ATP6V0A2: variants seen among roughly 807,000 people sequenced by gnomAD.
ATP6V0A2 encodes the protein V-type proton ATPase 116 kDa subunit a 2.
A neutral mutation model predicts 104.4 loss-of-function variants in ATP6V0A2; 58 were observed. The observed-to-expected ratio is 0.56, with a 90% confidence interval of 0.45 to 0.69. The LOEUF is 0.69. ATP6V0A2 is among the 30% of genes least tolerant of loss of function. The probability of loss-of-function intolerance (pLI) is 0.00; values close to 1 mark genes in which losing one functional copy is unlikely to be tolerated. For missense variants in ATP6V0A2, 938 were observed against 1,062.9 expected, an observed-to-expected ratio of 0.88 and a Z score of 1.63; for synonymous variants, 376 against 397.9, an observed-to-expected ratio of 0.95 and a Z score of 0.65.
chr12:123,737,198 A>G lies in ATP6V0A2; in HGVS notation c.965A>G (p.Lys322Arg), dbSNP rs769951097. ...ATGTGCAGCTTTGACGTGACCAACA[A>G]GTGCCTCATTGCTGAGGTCTGGTGT... is the stretch of plus-strand genomic sequence containing the variant. ...LNMCSFDVTNKCLIAEVWCPE... is the reference protein window; with the variant it reads ...LNMCSFDVTNRCLIAEVWCPE... The change falls in exon 9 of 20, where the codon AAG becomes AGG. Residue 322 changes from lysine (K) to arginine (R), a missense_variant. Coordinates refer to ENST00000330342, the MANE Select transcript of ATP6V0A2 (RefSeq NM_012463.4). 2.2e-5 allele frequency: 36 copies of G among 1,614,058 alleles called. No individual in the cohort carries two copies. The South Asian group carries it at 3.6e-4, about 16-fold the overall frequency.
chr12:123,724,773 T>G lies in ATP6V0A2; in HGVS notation c.414T>G (p.Phe138Leu). ...ACATGCTGAGAGTGACAAAGACCTT[T>G]GTGAAACGCAATGTTGAGGTACTGA... ...YTHMLRVTKT[F>L]VKRNVEFEPT... is the part of the protein sequence containing the mutation. The change falls in exon 4 of 20, where the codon TTT becomes TTG. Residue 138 changes from phenylalanine to leucine, a missense_variant. Physicochemically the swap from Phe to Leu is conservative, Grantham distance 22. Coordinates refer to ENST00000330342, the MANE Select transcript of ATP6V0A2 (RefSeq NM_012463.4). 1 of 1,613,758 alleles carries G rather than the reference T, an allele frequency of 6.2e-7. No individual in the cohort carries two copies. The highest frequency in any genetic ancestry group is 8.5e-7 in the Non-Finnish European group (1 of 1,179,764).
At chr12:123,742,091 C>A (rs1202277517) in intron 9 of ATP6V0A2, among the ~76,000 whole-genome samples, 1 of 152,230 alleles carries the variant, frequency 6.6e-6, no homozygotes, top group African/African-American at 2.4e-5. Context: ...GAGGACCTGG[C>A]AGGTCAGTGC....
chr12:123,752,354 G>A lies in ATP6V0A2; in HGVS notation c.2127G>A (p.Glu709=). The change falls in exon 17 of 20, where the codon GAG becomes GAA. Residue 709 remains glutamate, a synonymous_variant. Transcript: ENST00000330342. ...VSLLGSQDIE[E]GNHQVEDGCR... ...TGCTGGGAAGCCAAGATATAGAAGA[G>A]GGAAATCACCAGGTGGAAGATGGAT... 1 of 1,614,124 alleles carries A rather than the reference G, an allele frequency of 6.2e-7. No individual in the cohort carries two copies. The highest frequency in any genetic ancestry group is 1.1e-5 in the South Asian group (1 of 91,084).
rs1956724621 is a variant in ATP6V0A2 at position 123,752,381 on chromosome 12, T to C, written c.2154T>C (p.Cys718=). 1 of 1,614,032 alleles carries C rather than the reference T, an allele frequency of 6.2e-7. No individual in the cohort carries two copies. Among genetic ancestry groups the C allele is most frequent in the African/African-American group, 1.3e-5 (1 of 74,938 alleles). The change falls in exon 17 of 20, where the codon TGT becomes TGC. Residue 718 remains cysteine (C), a synonymous_variant. Transcript: ENST00000330342. ...EEGNHQVEDG[C]REMACEEFNF... ...GAAATCACCAGGTGGAAGATGGATG[T>C]AGAGAAATGGCGTGTGAAGAGGTAA... is the stretch of plus-strand genomic sequence containing the variant.
intron 9 of ATP6V0A2, among the ~76,000 whole-genome samples, chr12:123,739,540 T>G (rs1340465622): frequency 6.6e-6 from 1 of 152,154 alleles, no homozygotes; most frequent in Non-Finnish European, 1.5e-5. Context: ...GCAGAACTCC[T>G]AACAGGCTGT....
intron 9 of ATP6V0A2, among the ~76,000 whole-genome samples, chr12:123,741,607 A>G (rs60822223): frequency 0.011 from 1,645 of 151,994 alleles, 31 homozygotes; most frequent in African/African-American, 0.037. Context: ...TGCCTGGCTA[A>G]TTTATTTATT....
chr12:123,739,670 C>T (rs934392180), intron 9 of ATP6V0A2, among the ~76,000 whole-genome samples: 5 of 152,192 alleles, frequency 3.3e-5, no homozygotes, highest in African/African-American at 1.2e-4. Context: ...AGAGAAGCCT[C>T]AGAGAGGCTT....
At chr12:123,718,862 T>A (rs1956369709) in intron 2 of ATP6V0A2, among the ~76,000 whole-genome samples, 161 bp downstream of exon 2, 1 of 150,436 alleles carries the variant, frequency 6.6e-6, no homozygotes, top group East Asian at 1.9e-4. Context: ...GTATTATTTT[T>A]CTGTATTTTT....
intron 9 of ATP6V0A2, 36 bp from the exon 10 acceptor site, chr12:123,743,749 A>C: frequency 6.2e-7 from 1 of 1,611,594 alleles, no homozygotes; most frequent in South Asian, 1.1e-5. Context: ...TTCTTCTTGG[A>C]TAGTAATTTT....
intron 6 of ATP6V0A2, among the ~76,000 whole-genome samples, chr12:123,728,936 G>A (rs1444008539): frequency 6.6e-6 from 1 of 152,030 alleles, no homozygotes; most frequent in Non-Finnish European, 1.5e-5. Flanking sequence ...TTCCATTACT[G>A]GTCGTGGTCC....
rs201697018 is a variant in ATP6V0A2, at chr12:123,744,566, C to T, written c.1327-31C>T. ...CTGTCACATGGACACCCTCCAGTAA[C>T]CATATTCTGCCCCCGCCTTGCCCTT... On this transcript the variant is annotated intron_variant, in intron 11 of 19. Transcript: ENST00000330342. This position sits in a 1 kb window ranked among gnomAD's most constrained non-coding sequence, Gnocchi z 5.4. The T allele has an allele frequency of 6.2e-7, 1 of 1,612,106 alleles. No individual in the cohort carries two copies. The highest frequency in any genetic ancestry group is 1.7e-5 in the Admixed American group (1 of 60,010).
intron 9 of ATP6V0A2, among the ~76,000 whole-genome samples, chr12:123,742,324 C>T (rs1252555790): frequency 6.6e-6 from 1 of 152,220 alleles, no homozygotes; most frequent in African/African-American, 2.4e-5. Context: ...GCATCCTCTG[C>T]TCTGGAGGCT....
At chr12:123,721,846 T>C (rs1157484146) in intron 2 of ATP6V0A2, among the ~76,000 whole-genome samples, 2 of 152,224 alleles carry the variant, frequency 1.3e-5, no homozygotes, top group African/African-American at 4.8e-5. Flanking sequence ...GATTTTCTTG[T>C]TGGACTGATG....
chr12:123,754,374 CA>C, intron 17 of ATP6V0A2, 45 bp from the exon 18 acceptor site: 1 of 1,389,110 alleles, frequency 7.2e-7, no homozygotes, highest in Non-Finnish European at 1.0e-6. Flanking sequence ...TAGAAGTACA[CA>C]TGTAACATCA....
In ATP6V0A2 at chr12:123,754,492, A is replaced by T; in HGVS notation, c.2248A>T (p.Thr750Ser). The T allele has an allele frequency of 6.2e-7, 1 of 1,614,172 alleles. No homozygotes were observed. The highest frequency in any genetic ancestry group is 8.5e-7 in the Non-Finnish European group (1 of 1,180,024). The change falls in exon 18 of 20, where the codon ACC becomes TCC. Residue 750 changes from threonine (T) to serine (S), a missense_variant. Transcript: ENST00000330342. ...IEYCLGCISN[T>S]ASYLRLWALS... is the part of the protein sequence containing the mutation. ...GTACTGTCTGGGATGCATCTCCAAC[A>T]CCGCCTCCTACCTGAGGCTCTGGGC...
rs368098080 is a variant in ATP6V0A2, at chr12:123,744,904, A to G, written c.1537A>G (p.Ser513Gly). Reference protein sequence around the residue: ...LWNDSVVRHNSILQLDPSIPG... With the variant: ...LWNDSVVRHNGILQLDPSIPG... ...CAGTGACAGCGTCGTTAGACACAAC[A>G]GCATTTTGCAGCTGGATCCAAGCAT... Residue 513 changes from serine (S) to glycine (G), a missense_variant, in exon 13 of 20, where the codon AGC (serine) becomes GGC (glycine). By Grantham distance (56) the Ser-to-Gly change is moderately conservative. Coordinates refer to ENST00000330342, the MANE Select transcript of ATP6V0A2 (RefSeq NM_012463.4). This position sits in a 1 kb window ranked among gnomAD's most constrained non-coding sequence, Gnocchi z 5.4. The G allele has an allele frequency of 1.2e-6, 2 of 1,614,090 alleles. No individual in the cohort carries two copies. The highest frequency in any genetic ancestry group is 2.7e-5 in the African/African-American group (2 of 74,936).
At chr12:123,743,420 G>A (rs1956627893) in intron 9 of ATP6V0A2, among the ~76,000 whole-genome samples, 1 of 152,206 alleles carries the variant, frequency 6.6e-6, no homozygotes, top group Non-Finnish European at 1.5e-5. Context: ...TTGGGAGGCT[G>A]AGACAGGTGG....
At chr12:123,754,641 A>G in intron 18 of ATP6V0A2, 104 bp downstream of exon 18, 1 of 816,084 alleles carries the variant, frequency 1.2e-6, no homozygotes, top group Non-Finnish European at 2.1e-6. Flanking sequence ...TCATAGCACC[A>G]TCTTTCAGCT....
chr12:123,738,569 A>G (rs181844900), intron 9 of ATP6V0A2, among the ~76,000 whole-genome samples: 1 of 151,922 alleles, frequency 6.6e-6, no homozygotes, highest in Non-Finnish European at 1.5e-5. Flanking sequence ...TTGACTTAGG[A>G]TGTTTCTGTT....
Sources: allele counts gnomAD v4.1 joint callset (sites outside exome capture counted in the v4.1 genomes callset), GRCh38; gene constraint gnomAD v4.1.1; non-coding constraint Gnocchi (gnomAD v3.1); transcripts MANE v1.5; gene names NCBI Gene and HGNC (gene_info 2026-07-23, HGNC 2026-07-21).